The following NRG1 variants were observed in gnomAD, a reference collection of about 807,000 sequenced individuals.
NRG1 encodes neuregulin 1, also known as pro-neuregulin-1, membrane-bound isoform.
NRG1 carries 18 observed loss-of-function variants against 63.8 expected under a neutral mutation model. The observed-to-expected ratio is 0.28, with a 90% CI of 0.19 to 0.42. The LOEUF (loss-of-function observed/expected upper bound fraction) is 0.42, where lower values mean the gene tolerates loss of function less well. Ranked by LOEUF, NRG1 falls within the 10% of genes least tolerant of loss-of-function variation. NRG1 has a pLI of 1.00. For missense variants in NRG1, 762 were observed against 814.7 expected (o/e 0.94, Z 0.79); for synonymous variants, 302 against 301.3 (o/e 1.00, Z -0.02).
intron 1 of NRG1, among the ~76,000 whole-genome samples, chr8:32,046,486 A>G (rs1821020272): frequency 6.6e-6 from 1 of 152,086 alleles, no homozygotes; most frequent in Non-Finnish European, 1.5e-5. Context: ...TTCACAAAAA[A>G]CCATATGTGA....
exon 12 of NRG1, chr8:32,764,983 C>T (rs6996414): frequency 3.8e-4 from 58 of 151,886 alleles, no homozygotes; most frequent in African/African-American, 1.2e-3. Context: ...CAGCAAGAAA[C>T]TGCATTAAGT....
intron 1 of NRG1, among the ~76,000 whole-genome samples, chr8:32,381,123 C>A (rs1420648054): frequency 6.6e-6 from 1 of 152,160 alleles, no homozygotes; most frequent in African/African-American, 2.4e-5. Context: ...CCTGCCCGGG[C>A]TACACATGGT....
chr8:32,247,364 G>T (rs1848684919), intron 1 of NRG1, among the ~76,000 whole-genome samples: 1 of 152,058 alleles, frequency 6.6e-6, no homozygotes, highest in South Asian at 2.1e-4. Flanking sequence ...TGCCCATACA[G>T]ATTTGTCCTA....
intron 1 of NRG1, among the ~76,000 whole-genome samples, chr8:32,147,196 C>A (rs1836962356): frequency 6.6e-6 from 1 of 152,130 alleles, no homozygotes; most frequent in Non-Finnish European, 1.5e-5. Flanking sequence ...GACTGCTTGA[C>A]AATATACGTC....
chr8:32,204,062 T>C (rs1220371355), intron 1 of NRG1, among the ~76,000 whole-genome samples: 1 of 152,190 alleles, frequency 6.6e-6, no homozygotes, highest in East Asian at 1.9e-4. Context: ...TACACCTACA[T>C]AGAAGATCAT....
chr8:31,860,247 T>C (rs1004958664), intron 1 of NRG1, among the ~76,000 whole-genome samples: 1 of 152,218 alleles, frequency 6.6e-6, no homozygotes, highest in African/African-American at 2.4e-5. Context: ...TTAAATGCTA[T>C]TGTAACAATG....
intron 1 of NRG1, among the ~76,000 whole-genome samples, chr8:32,220,129 G>A (rs1845657380): frequency 6.6e-6 from 1 of 152,108 alleles, no homozygotes. Context: ...AGCACAGTGG[G>A]GACTATTAAC....
At chr8:31,977,561 C>T (rs1037822637) in intron 1 of NRG1, among the ~76,000 whole-genome samples, 3 of 152,054 alleles carry the variant, frequency 2.0e-5, no homozygotes, top group African/African-American at 7.2e-5. Flanking sequence ...CAATGTCACT[C>T]TATTTTTTCA....
intron 1 of NRG1, among the ~76,000 whole-genome samples, chr8:32,043,263 A>G (rs1348592311): frequency 6.6e-6 from 1 of 152,142 alleles, no homozygotes; most frequent in African/African-American, 2.4e-5. Context: ...CAAATTTCAC[A>G]GAAGCTAAAA....
At chr8:32,372,383 C>T (rs763180604) in intron 1 of NRG1, among the ~76,000 whole-genome samples, 4 of 151,952 alleles carry the variant, frequency 2.6e-5, no homozygotes, top group African/African-American at 4.8e-5. Flanking sequence ...CTCTGCCCTT[C>T]GTCTGCCTCA....
chr8:31,990,440 T>A (rs528445340), intron 1 of NRG1, among the ~76,000 whole-genome samples: 5 of 152,212 alleles, frequency 3.3e-5, no homozygotes, highest in Admixed American at 6.5e-5. Context: ...GATAAATTAA[T>A]GGCCAGTCCA....
intron 1 of NRG1, among the ~76,000 whole-genome samples, chr8:32,123,993 T>TA (rs564317906): frequency 4.0e-5 from 6 of 151,830 alleles, no homozygotes; most frequent in East Asian, 1.9e-4. Flanking sequence ...ATCCTAAAAC[T>TA]AAAAAAAGGA....
chr8:32,581,499 T>C (rs952063812), intron 1 of NRG1, among the ~76,000 whole-genome samples: 5 of 152,218 alleles, frequency 3.3e-5, no homozygotes, highest in Non-Finnish European at 5.9e-5. Flanking sequence ...TCAACATTAT[T>C]GAGCACTGTG....
intron 1 of NRG1, among the ~76,000 whole-genome samples, chr8:32,323,001 C>A (rs551818081): frequency 2.6e-4 from 40 of 152,058 alleles, no homozygotes; most frequent in African/African-American, 9.6e-4. Context: ...AGGACAACAC[C>A]CAACACCACC....
At chr8:32,124,173 G>C (rs935510051) in intron 1 of NRG1, among the ~76,000 whole-genome samples, 1 of 151,870 alleles carries the variant, frequency 6.6e-6, no homozygotes, top group African/African-American at 2.4e-5. Context: ...TAACTTCAAA[G>C]CTCTTCCATT....
At chr8:31,745,281 GC>G (rs1815733858) in intron 1 of NRG1, among the ~76,000 whole-genome samples, 1 of 151,962 alleles carries the variant, frequency 6.6e-6, no homozygotes, top group African/African-American at 2.4e-5. Flanking sequence ...ACAGGGAACG[GC>G]CTGCGCAAAC....
At chr8:31,836,040 A>T (rs997566783) in intron 1 of NRG1, among the ~76,000 whole-genome samples, 1 of 152,186 alleles carries the variant, frequency 6.6e-6, no homozygotes, top group African/African-American at 2.4e-5. Flanking sequence ...AGAGATTTAG[A>T]ATAGTAAAGC....
chr8:31,863,944 A>G (rs1383892), intron 1 of NRG1, among the ~76,000 whole-genome samples: 11,851 of 152,272 alleles, frequency 0.078, 1,474 homozygotes, highest in African/African-American at 0.27. Flanking sequence ...TCTTGAGTGC[A>G]AGATCTTCAA....
intron 1 of NRG1, chr8:32,061,776 G>A (rs962400576): frequency 2.6e-5 from 4 of 151,990 alleles, no homozygotes; most frequent in Non-Finnish European, 4.4e-5. Context: ...TTGGCCAGAC[G>A]AGCTTTTAGA....
Sources: gnomAD v4.1 joint callset for allele counts (sites outside exome capture counted in the v4.1 genomes callset) on GRCh38, gnomAD v4.1.1 for gene constraint, MANE v1.5 for transcripts, NCBI Gene and HGNC (gene_info 2026-07-23, HGNC 2026-07-21) for gene names.